The following SNX25 variants were observed in gnomAD, a reference collection of about 807,000 sequenced individuals.
SNX25 encodes sorting nexin-25.
Under a neutral mutation model 113.7 loss-of-function variants are expected in SNX25, and 62 were observed. The observed-to-expected ratio is 0.55, with a 90% CI of 0.44 to 0.67. SNX25 has a LOEUF of 0.67. Ranked by LOEUF, SNX25 falls within the 30% of genes least tolerant of loss-of-function variation. The pLI, the probability that SNX25 is intolerant of heterozygous loss-of-function variation, is 0.00. For missense variants in SNX25, 1,014 were observed against 1,161.0 expected (o/e 0.87, Z 1.84); for synonymous variants, 421 against 436.2 (o/e 0.97, Z 0.43).
chr4:185,212,376 A>G (rs1737966665), intron 1 of SNX25, among the ~76,000 whole-genome samples: 1 of 151,810 alleles, frequency 6.6e-6, no homozygotes, highest in Non-Finnish European at 1.5e-5. Flanking sequence ...ACTGAAATAC[A>G]TGTCATTCAC....
chr4:185,254,288 A>G (rs1746084997), intron 2 of SNX25, among the ~76,000 whole-genome samples: 1 of 152,128 alleles, frequency 6.6e-6, no homozygotes, highest in Admixed American at 6.5e-5. Flanking sequence ...GCATTTTAAA[A>G]CTTTACAAAC....
Position 185,357,716 on chromosome 4 carries a change from C to T in SNX25, c.2630C>T (p.Thr877Ile). The stretch of plus-strand genomic sequence containing the variant: ...ACATTAATTGCCCTCGTTCAGGTCA[C>T]TTTTGGAAGAACCATCAACAAGTGA... ...RRTLIALVQVTFGRTINKQIR... is the reference protein window; with the variant it reads ...RRTLIALVQVIFGRTINKQIR... Residue 877 changes from threonine (T) to isoleucine (I), a missense_variant, in exon 16 of 19, where the codon ACT becomes ATT. Coordinates refer to ENST00000652585, the MANE Select transcript of SNX25 (RefSeq NM_001378034.2). The T allele has an allele frequency of 1.9e-6, 3 of 1,614,044 alleles. No homozygotes were observed. Among genetic ancestry groups the T allele is most frequent in the Non-Finnish European group, 1.7e-6 (2 of 1,179,956 alleles).
At chr4:185,280,255 A>C (rs1349103978) in intron 5 of SNX25, among the ~76,000 whole-genome samples, 1 of 152,208 alleles carries the variant, frequency 6.6e-6, no homozygotes, top group African/African-American at 2.4e-5. Flanking sequence ...TAATAACCAA[A>C]ATGCCTAACA....
At chr4:185,314,473 G>A (rs1374916042) in intron 7 of SNX25, among the ~76,000 whole-genome samples, 1 of 152,132 alleles carries the variant, frequency 6.6e-6, no homozygotes, top group Non-Finnish European at 1.5e-5. Context: ...GGAGGCTAAG[G>A]GAATAATGTG....
intron 1 of SNX25, among the ~76,000 whole-genome samples, chr4:185,225,404 G>A (rs958610284): frequency 1.8e-4 from 28 of 152,196 alleles, no homozygotes; most frequent in Non-Finnish European, 2.6e-4. Context: ...GATTACAGGC[G>A]TGAGCCACCG....
intron 4 of SNX25, among the ~76,000 whole-genome samples, chr4:185,265,079 A>G (rs1275448532): frequency 6.6e-6 from 1 of 152,030 alleles, no homozygotes; most frequent in East Asian, 1.9e-4. Context: ...TGATCCTCCC[A>G]CTTAGGCCTC....
Position 185,216,522 on chromosome 4 carries a change from T to G in SNX25, c.429+6267T>G, listed in dbSNP as rs112663001. ...CAAAAGTGTGTATTTGGTTTTTTTT[T>G]TTTTTTTTTTTTTTGAGATGGAGTG... On this transcript the variant is annotated intron_variant, in intron 1 of 18. Transcript: ENST00000652585. Among the ~76,000 whole-genome samples, 57 of 127,168 alleles carry G rather than the reference T, an allele frequency of 4.5e-4. 1 individual carries two copies. Among genetic ancestry groups the G allele is most frequent in the Admixed American group, 1.7e-3 (22 of 13,186 alleles). The allele number at this position is 127,168 out of a possible 152,430, so 83.4% of individuals were successfully genotyped here.
upstream of SNX25, among the ~76,000 whole-genome samples, chr4:185,208,756 T>A (rs1366604559): frequency 6.6e-6 from 1 of 151,562 alleles, no homozygotes; most frequent in Non-Finnish European, 1.5e-5. Flanking sequence ...AAAGAAAGAA[T>A]GAAATGCCCA....
chr4:185,366,872 C>G (rs1308706938), downstream of SNX25: 5 of 191,550 alleles, frequency 2.6e-5, no homozygotes, highest in South Asian at 1.9e-4. Context: ...TTTTTGGAGA[C>G]TCGGTGTTTA....
chr4:185,220,545 G>A (rs1236280126), intron 1 of SNX25, among the ~76,000 whole-genome samples: 3 of 149,164 alleles, frequency 2.0e-5, no homozygotes, highest in Admixed American at 6.7e-5. Flanking sequence ...TGCAGTGTGC[G>A]ATCGCGGCTT....
At chr4:185,256,381 T>C (rs1378718473) in intron 2 of SNX25, among the ~76,000 whole-genome samples, 1 of 152,220 alleles carries the variant, frequency 6.6e-6, no homozygotes, top group African/African-American at 2.4e-5. Context: ...TGCTGTTTTA[T>C]AAATTGCTAT....
At chr4:185,342,233 A>G in intron 12 of SNX25, 117 bp downstream of exon 12, 1 of 1,211,698 alleles carries the variant, frequency 8.3e-7, no homozygotes, top group Non-Finnish European at 1.1e-6. Context: ...GCACAGTGGC[A>G]TTTTCATCCT....
intron 5 of SNX25, among the ~76,000 whole-genome samples, chr4:185,279,240 C>T (rs575640747): frequency 1.8e-4 from 28 of 152,110 alleles, no homozygotes; most frequent in African/African-American, 5.8e-4. Context: ...TGGGCTGCTC[C>T]GGTCCAGAAC....
intron 16 of SNX25, among the ~76,000 whole-genome samples, chr4:185,361,203 A>G (rs1476094055): frequency 6.6e-6 from 1 of 152,168 alleles, no homozygotes; most frequent in African/African-American, 2.4e-5. Context: ...AAAGACAGCT[A>G]CGGAAAGCCT....
intron 5 of SNX25, among the ~76,000 whole-genome samples, chr4:185,279,598 C>T (rs1260892161): frequency 6.6e-6 from 1 of 152,136 alleles, no homozygotes; most frequent in Non-Finnish European, 1.5e-5. Context: ...TGTACTTATC[C>T]TCAGTAGTAC....
At chr4:185,367,068 TACCC>T, downstream of SNX25, 1 of 915,992 alleles carries the variant, frequency 1.1e-6, no homozygotes, top group Non-Finnish European at 1.7e-6. Flanking sequence ...ACCTGTAAAA[TACCC>T]AGGATAGTGT....
chr4:185,231,125 G>T (rs1373049445), intron 1 of SNX25, among the ~76,000 whole-genome samples: 4 of 140,418 alleles, frequency 2.8e-5, no homozygotes, highest in Non-Finnish European at 6.1e-5. Context: ...TTGAGACAGT[G>T]TTTCGCTCTG....
intron 1 of SNX25, among the ~76,000 whole-genome samples, chr4:185,219,132 G>C (rs952447926): frequency 3.3e-5 from 5 of 152,146 alleles, no homozygotes; most frequent in Non-Finnish European, 7.3e-5. Flanking sequence ...GGGTACTCCT[G>C]TCTCAGTCCT....
At chr4:185,207,430 C>T (rs1737235800), upstream of SNX25, among the ~76,000 whole-genome samples, 1 of 152,138 alleles carries the variant, frequency 6.6e-6, no homozygotes, top group Admixed American at 6.5e-5. Flanking sequence ...GTTGACCAGG[C>T]TGGTCTCAAA....
Sources: gnomAD v4.1 joint callset for allele counts (sites outside exome capture counted in the v4.1 genomes callset) on GRCh38, gnomAD v4.1.1 for gene constraint, MANE v1.5 for transcripts, NCBI Gene and HGNC (gene_info 2026-07-23, HGNC 2026-07-21) for gene names.